The following COL4A5 variants were observed in gnomAD, a reference collection of about 807,000 sequenced individuals.
The protein encoded by COL4A5 is collagen alpha-5(IV) chain.
A neutral mutation model predicts 130.2 loss-of-function variants in COL4A5; 26 were observed. That is an observed-to-expected ratio of 0.20 (90% CI 0.15 to 0.28). The LOEUF (loss-of-function observed/expected upper bound fraction) is 0.28, where lower values mean the gene tolerates loss of function less well. COL4A5 is among the 10% of genes least tolerant of loss of function. COL4A5 has a pLI of 1.00. For missense variants in COL4A5, 1,131 were observed against 1,344.3 expected, an observed-to-expected ratio of 0.84 and a Z score of 2.48; for synonymous variants, 496 against 439.6, an observed-to-expected ratio of 1.13 and a Z score of -1.60.
At chrX:108,525,931 A>G (rs997914855) in intron 1 of COL4A5, among the ~76,000 whole-genome samples, 1 of 111,608 alleles carries the variant, frequency 9.0e-6, no homozygotes, top group African/African-American at 3.3e-5. Context: ...AGTTAGAGTG[A>G]GGGCAACCAG....
intron 13 of COL4A5, among the ~76,000 whole-genome samples, chrX:108,580,205 A>G (rs978068606): frequency 1.8e-5 from 2 of 111,738 alleles, no homozygotes; most frequent in African/African-American, 3.3e-5. Flanking sequence ...TCAGCCAGGT[A>G]GTGAACATAG....
chrX:108,681,063 AC>A, intron 46 of COL4A5, 107 bp downstream of exon 46: 1 of 642,805 alleles, frequency 1.6e-6, no homozygotes, highest in Admixed American at 2.6e-5. Flanking sequence ...TAAGTCCCCA[AC>A]AACTGAGGCA....
chrX:108,476,351 G>A (rs866083306), intron 1 of COL4A5, among the ~76,000 whole-genome samples: 1 of 110,168 alleles, frequency 9.1e-6, no homozygotes, highest in Non-Finnish European at 1.9e-5. Flanking sequence ...CACACAATGC[G>A]TAATAATGAC....
intron 1 of COL4A5, among the ~76,000 whole-genome samples, chrX:108,501,926 A>G (rs972760256): frequency 1.8e-5 from 2 of 112,118 alleles, no homozygotes; most frequent in Non-Finnish European, 3.8e-5. Context: ...GGAGAAGGAA[A>G]TGGACTCTTA....
intron 29 of COL4A5, among the ~76,000 whole-genome samples, chrX:108,611,741 C>A (rs774310868): frequency 9.1e-6 from 1 of 110,213 alleles, no homozygotes; most frequent in South Asian, 3.8e-4. Flanking sequence ...GCAGTAACAC[C>A]AATTCTACAC....
chrX:108,548,777 T>C (rs181590253), intron 2 of COL4A5, among the ~76,000 whole-genome samples: 29 of 111,619 alleles, frequency 2.6e-4, no homozygotes, highest in African/African-American at 9.1e-4. Flanking sequence ...ATACGAATGA[T>C]GACAGACTTC....
intron 2 of COL4A5, among the ~76,000 whole-genome samples, chrX:108,541,382 T>C (rs776338719): frequency 6.2e-5 from 7 of 112,165 alleles, no homozygotes; most frequent in Admixed American, 9.5e-5. Context: ...AGCTACTTGA[T>C]AGTACAAGAG....
chrX:108,531,030 T>TA (rs1340547197), intron 1 of COL4A5, among the ~76,000 whole-genome samples: 5 of 104,327 alleles, frequency 4.8e-5, no homozygotes, highest in African/African-American at 1.4e-4. Context: ...TATGCAGCCA[T>TA]AAAAAATGAT....
intron 2 of COL4A5, among the ~76,000 whole-genome samples, chrX:108,542,100 T>C (rs1322647968): frequency 8.9e-6 from 1 of 111,930 alleles, no homozygotes; most frequent in Non-Finnish European, 1.9e-5. Context: ...GGAAACTGTA[T>C]TTTATTTAAT....
intron 1 of COL4A5, among the ~76,000 whole-genome samples, chrX:108,472,244 T>C (rs7890766): frequency 0.1 from 11,660 of 111,160 alleles, 1,294 homozygotes; most frequent in African/African-American, 0.34. Context: ...TTCAGACTTA[T>C]TTTGTGGCCG....
intron 36 of COL4A5, among the ~76,000 whole-genome samples, chrX:108,635,086 G>C (rs1603301336): frequency 9.0e-6 from 1 of 111,179 alleles, no homozygotes; most frequent in South Asian, 3.7e-4. Flanking sequence ...TAGTCAAAAA[G>C]CATGATTAAT....
At chrX:108,576,201 A>T (rs975369475) in intron 10 of COL4A5, among the ~76,000 whole-genome samples, 2 of 112,037 alleles carry the variant, frequency 1.8e-5, no homozygotes, top group Admixed American at 9.5e-5. Context: ...AAGATTTACA[A>T]TGAAATATTT....
intron 30 of COL4A5, 80 bp downstream of exon 30, chrX:108,615,104 A>G: frequency 4.2e-6 from 3 of 711,806 alleles, no homozygotes; most frequent in Non-Finnish European, 4.4e-6. Context: ...GAAACCTACA[A>G]AACAGTCTTC....
intron 1 of COL4A5, among the ~76,000 whole-genome samples, chrX:108,520,200 A>G: frequency 9.0e-6 from 1 of 111,134 alleles, no homozygotes; most frequent in Non-Finnish European, 1.9e-5. Context: ...TTTCTGGAAG[A>G]GTTTGGTTAG....
chrX:108,681,204 T>G (rs1465438694), intron 46 of COL4A5, among the ~76,000 whole-genome samples: 1 of 111,406 alleles, frequency 9.0e-6, no homozygotes, highest in Non-Finnish European at 1.9e-5. Context: ...TGACATTAGC[T>G]TCTATACTAA....
intron 36 of COL4A5, among the ~76,000 whole-genome samples, chrX:108,644,409 T>C (rs2067531141): frequency 1.8e-5 from 2 of 111,680 alleles, no homozygotes; most frequent in South Asian, 3.8e-4. Context: ...ATACAGAACA[T>C]TCCATCCAAC....
intron 36 of COL4A5, among the ~76,000 whole-genome samples, chrX:108,636,736 T>C: frequency 9.0e-6 from 1 of 110,797 alleles, no homozygotes; most frequent in Non-Finnish European, 1.9e-5. Flanking sequence ...GAATAGACAA[T>C]ATATTAGAGC....
intron 1 of COL4A5, among the ~76,000 whole-genome samples, chrX:108,501,657 C>T (rs980171982): frequency 8.9e-6 from 1 of 112,039 alleles, no homozygotes; most frequent in Non-Finnish European, 1.9e-5. Flanking sequence ...AACAATTGTG[C>T]TGGAAGTGAA....
At chrX:108,619,447 G>C (rs1312152992) in intron 30 of COL4A5, among the ~76,000 whole-genome samples, 5 of 111,461 alleles carry the variant, frequency 4.5e-5, no homozygotes, top group Non-Finnish European at 9.4e-5. Context: ...GCTTTGGAGT[G>C]GGAAGTTACA....
Sources: gnomAD v4.1 joint callset for allele counts (sites outside exome capture counted in the v4.1 genomes callset) on GRCh38, gnomAD v4.1.1 for gene constraint, MANE v1.5 for transcripts, NCBI Gene and HGNC (gene_info 2026-07-23, HGNC 2026-07-21) for gene names.